Variants in UEVLD observed in about 807,000 individuals in gnomAD.
The protein encoded by UEVLD is ubiquitin-conjugating enzyme E2 variant 3.
A neutral mutation model predicts 58.6 loss-of-function variants in UEVLD; 47 were observed. The ratio of observed to expected loss-of-function variants is 0.80; its 90% CI spans 0.63 to 1.02. UEVLD has a LOEUF of 1.02. Ranked by LOEUF, UEVLD falls within the 50% of genes least tolerant of loss-of-function variation. UEVLD has a pLI of 0.00. For synonymous variants in UEVLD, 197 were observed against 195.3 expected (o/e 1.01, Z -0.07); for missense variants, 510 against 550.6 (o/e 0.93, Z 0.74).
rs1332148164 is a variant in UEVLD at position 18,531,393 on chromosome 11, A to T, written c.*927T>A. ...ATAGTAATAATAAGCTATCTTTCAC[A>T]TAAGAAAATATTGCTCTTGATCCAT... On this transcript the variant is annotated 3_prime_UTR_variant, in exon 12 of 12. Coordinates refer to ENST00000396197, the MANE Select transcript of UEVLD (RefSeq NM_001040697.4). 2 of 152,228 alleles carry T rather than the reference A, an allele frequency of 1.3e-5. No individual in the cohort carries two copies. The highest frequency in any genetic ancestry group is 2.9e-5 in the Non-Finnish European group (2 of 68,032). The allele number at this position is 152,228 out of a possible 1,614,324, so 9.4% of individuals were successfully genotyped here.
intron 1 of UEVLD, among the ~76,000 whole-genome samples, chr11:18,582,365 C>CAAAAAGTA (rs1272281980): frequency 7.1e-6 from 1 of 140,858 alleles, no homozygotes; most frequent in African/African-American, 2.7e-5. Flanking sequence ...CGGCCCGAGC[C>CAAAAAGTA]AAAAAGTACC....
At chr11:18,537,324 A>ATATTTTTTTTTTT (rs1160942409) in intron 9 of UEVLD, among the ~76,000 whole-genome samples, 1 of 131,572 alleles carries the variant, frequency 7.6e-6, no homozygotes, top group Admixed American at 7.6e-5. Flanking sequence ...ATATATATAT[A>ATATTTTTTTTTTT]TTTTTTTTTT....
At chr11:18,582,045 G>A (rs563448394) in intron 1 of UEVLD, among the ~76,000 whole-genome samples, 1 of 152,134 alleles carries the variant, frequency 6.6e-6, no homozygotes, top group African/African-American at 2.4e-5. Flanking sequence ...ACTGAATGAA[G>A]TCACCTCAAC....
intron 7 of UEVLD, among the ~76,000 whole-genome samples, chr11:18,557,261 C>T (rs1590339177): frequency 1.3e-5 from 2 of 151,952 alleles, no homozygotes; most frequent in African/African-American, 4.8e-5. Context: ...ACACCACTCT[C>T]CTGCCTCAGC....
At chr11:18,557,337 A>G (rs913435462) in intron 7 of UEVLD, among the ~76,000 whole-genome samples, 1 of 151,130 alleles carries the variant, frequency 6.6e-6, no homozygotes, top group Non-Finnish European at 1.5e-5. Context: ...TATTTTTAGT[A>G]GAGATGGGGT....
At chr11:18,583,297 T>G (rs927935867) in intron 1 of UEVLD, among the ~76,000 whole-genome samples, 6 of 150,360 alleles carry the variant, frequency 4.0e-5, no homozygotes, top group African/African-American at 7.4e-5. Context: ...CTTGGCTCAC[T>G]GCAACCTCCG....
At chr11:18,546,078 A>T (rs7928508) in intron 8 of UEVLD, among the ~76,000 whole-genome samples, 30,776 of 152,168 alleles carry the variant, frequency 0.2, 3,263 homozygotes, top group East Asian at 0.25. Context: ...CTACATTGGG[A>T]ACATTTAAAA....
intron 1 of UEVLD, among the ~76,000 whole-genome samples, chr11:18,580,564 G>T (rs566454212): frequency 1.2e-4 from 17 of 144,962 alleles, no homozygotes; most frequent in Non-Finnish European, 2.2e-4. Flanking sequence ...CAACATGGAT[G>T]AACCTTAAAA....
rs189032848 is a variant in UEVLD, at chr11:18,571,500, C to T, written c.194-1123G>A. On this transcript the variant is annotated intron_variant, in intron 3 of 11. Coordinates refer to ENST00000396197, the MANE Select transcript of UEVLD (RefSeq NM_001040697.4). Reference sequence around the variant, plus strand: ...GGTGACTCAGATTCCTGTGTCTAAACGTTAAGATTTCACCACTAGTTCACT... The same window carrying T: ...GGTGACTCAGATTCCTGTGTCTAAATGTTAAGATTTCACCACTAGTTCACT... Among the ~76,000 whole-genome samples, 11 of 152,248 alleles carry T rather than the reference C, an allele frequency of 7.2e-5. No individual in the cohort carries two copies. The East Asian group carries it at 1.5e-3, about 21-fold the overall frequency.
intron 9 of UEVLD, among the ~76,000 whole-genome samples, chr11:18,542,890 C>CTTTTTTT (rs890676886): frequency 0.22 from 27,792 of 124,166 alleles, 2,993 homozygotes; most frequent in East Asian, 0.5. Context: ...CTTTTCTTTT[C>CTTTTTTT]TTTTTTTTTT....
chr11:18,537,601 G>T (rs1418615287), intron 9 of UEVLD, among the ~76,000 whole-genome samples: 1 of 151,778 alleles, frequency 6.6e-6, no homozygotes, highest in African/African-American at 2.4e-5. Context: ...AAAGTGCTAG[G>T]ATTACAGGTG....
intron 7 of UEVLD, among the ~76,000 whole-genome samples, chr11:18,552,587 C>T (rs1227239139): frequency 6.6e-6 from 1 of 151,594 alleles, no homozygotes; most frequent in African/African-American, 2.4e-5. Flanking sequence ...TTAGGCTGGT[C>T]ACGGTGGCTC....
At chr11:18,586,971 G>T (rs1853598803) in intron 1 of UEVLD, among the ~76,000 whole-genome samples, 1 of 152,170 alleles carries the variant, frequency 6.6e-6, no homozygotes, top group Non-Finnish European at 1.5e-5. Flanking sequence ...GGCGGAGATG[G>T]CAGTGAGCAG....
At chr11:18,545,089 T>TTTTTTGAGATGGAGTG (rs1851249207) in intron 8 of UEVLD, among the ~76,000 whole-genome samples, 1 of 147,984 alleles carries the variant, frequency 6.8e-6, no homozygotes, top group Non-Finnish European at 1.5e-5. Context: ...TTTTTTTTTT[T>TTTTTTGAGATGGAGTG]TGAGATGGAG....
At chr11:18,539,948 T>C (rs1237768999) in intron 9 of UEVLD, among the ~76,000 whole-genome samples, 1 of 152,250 alleles carries the variant, frequency 6.6e-6, no homozygotes, top group East Asian at 1.9e-4. Flanking sequence ...TTGTTACTCT[T>C]ATATCTGTTT....
rs11443134 is a variant in UEVLD at position 18,581,677 on chromosome 11, C to CAA, written c.43-2871_43-2870dup. Among the ~76,000 whole-genome samples, 127 of 99,128 alleles carry CAA rather than the reference C, an allele frequency of 1.3e-3. 1 individual carries two copies. Among genetic ancestry groups the CAA allele is most frequent in the Middle Eastern group, 6.9e-3 (1 of 144 alleles). The allele number at this position is 99,128 out of a possible 152,430, so 65.0% of individuals were successfully genotyped here. Reference sequence around the variant, plus strand: ...CTAGTGACAGAGCGAGACACTGTCTCAAAAAAAAAAAAAAAGAAAATTAGG... The same window carrying CAA: ...CTAGTGACAGAGCGAGACACTGTCTCAAAAAAAAAAAAAAAAAGAAAATTAGG... On this transcript the variant is annotated intron_variant, in intron 1 of 11. Transcript: ENST00000396197.
chr11:18,539,949 A>G (rs952004509), intron 9 of UEVLD, among the ~76,000 whole-genome samples: 2 of 152,222 alleles, frequency 1.3e-5, no homozygotes, highest in Admixed American at 6.5e-5. Flanking sequence ...TGTTACTCTT[A>G]TATCTGTTTC....
chr11:18,564,579 A>C (rs1225139712), intron 6 of UEVLD, among the ~76,000 whole-genome samples: 1 of 152,180 alleles, frequency 6.6e-6, no homozygotes, highest in Non-Finnish European at 1.5e-5. Context: ...TTACTACATT[A>C]AATGAGTTTA....
At chr11:18,551,468 A>G (rs1851528727) in intron 7 of UEVLD, among the ~76,000 whole-genome samples, 1 of 145,118 alleles carries the variant, frequency 6.9e-6, no homozygotes, top group Non-Finnish European at 1.5e-5. Context: ...TCATTCGACA[A>G]TAATGAATTC....
Sources: gnomAD v4.1 joint callset for allele counts (sites outside exome capture counted in the v4.1 genomes callset) on GRCh38, gnomAD v4.1.1 for gene constraint, MANE v1.5 for transcripts, NCBI Gene and HGNC (gene_info 2026-07-23, HGNC 2026-07-21) for gene names.